The following NDUFAF6 variants were observed in gnomAD, a reference collection of about 807,000 sequenced individuals.
The protein encoded by NDUFAF6 is NADH:ubiquinone oxidoreductase complex assembly factor 6.
In NDUFAF6, 45 loss-of-function variants were observed where a neutral mutation model predicts 40.8. The observed-to-expected ratio is 1.10, with a 90% CI of 0.87 to 1.42. The LOEUF (loss-of-function observed/expected upper bound fraction) is 1.42, where lower values mean the gene tolerates loss of function less well. NDUFAF6 is among the 40% of genes most tolerant of loss of function. NDUFAF6 has a pLI of 0.00. For synonymous variants in NDUFAF6, 185 were observed against 155.9 expected (o/e 1.19, Z -1.39); for missense variants, 435 against 418.5 (o/e 1.04, Z -0.34).
intron 1 of NDUFAF6, among the ~76,000 whole-genome samples, chr8:94,924,754 G>T (rs1453580206): frequency 6.6e-6 from 1 of 150,708 alleles, no homozygotes; most frequent in East Asian, 1.9e-4. Flanking sequence ...GTTTTGTTTT[G>T]TTTTTTGAGA....
intron 3 of NDUFAF6, chr8:95,040,895 G>A (rs1213464489): frequency 1.3e-5 from 2 of 152,380 alleles, no homozygotes; most frequent in East Asian, 1.9e-4. Flanking sequence ...CCTTTAAGGA[G>A]AATGGTAGTA....
At chr8:95,063,260 G>A (rs1457382894), downstream of NDUFAF6, among the ~76,000 whole-genome samples, 5 of 152,184 alleles carry the variant, frequency 3.3e-5, no homozygotes, top group Non-Finnish European at 1.5e-5. Context: ...GAGATAGAAT[G>A]TTTTTATTGT....
intron 1 of NDUFAF6, among the ~76,000 whole-genome samples, chr8:94,937,239 G>C (rs989685584): frequency 6.6e-6 from 1 of 152,074 alleles, no homozygotes; most frequent in Non-Finnish European, 1.5e-5. Context: ...TCAGGAGTTC[G>C]AGACTAGCCT....
upstream of NDUFAF6, among the ~76,000 whole-genome samples, chr8:94,955,065 G>A (rs1822959973): frequency 6.6e-6 from 1 of 152,146 alleles, no homozygotes; most frequent in Non-Finnish European, 1.5e-5. Flanking sequence ...TATCTTCTAA[G>A]TGCCTCAGTT....
chr8:95,082,302 C>A (rs1386226335), intron 2 of NDUFAF6, among the ~76,000 whole-genome samples: 2 of 152,016 alleles, frequency 1.3e-5, no homozygotes, highest in African/African-American at 4.8e-5. Flanking sequence ...CATGACGAGA[C>A]CCTGTCTCAT....
chr8:94,990,720 T>C (rs1387756247), intron 2 of NDUFAF6, among the ~76,000 whole-genome samples: 2 of 152,184 alleles, frequency 1.3e-5, no homozygotes, highest in African/African-American at 4.8e-5. Context: ...AAGAAAGGAT[T>C]TCCTCATGAC....
intron 2 of NDUFAF6, among the ~76,000 whole-genome samples, chr8:95,092,373 G>A (rs186429260): frequency 4.7e-4 from 71 of 151,780 alleles, no homozygotes; most frequent in Non-Finnish European, 9.0e-4. Flanking sequence ...GTAGAGACGA[G>A]GTTTCACCAT....
At chr8:95,113,137 C>T (rs960139462) in intron 4 of NDUFAF6, among the ~76,000 whole-genome samples, 25 of 152,124 alleles carry the variant, frequency 1.6e-4, no homozygotes, top group African/African-American at 6.0e-4. Context: ...AGGTTGTAAG[C>T]AAGTGGCAGA....
chr8:94,992,105 T>C (rs1310817484), intron 2 of NDUFAF6, among the ~76,000 whole-genome samples: 2 of 152,194 alleles, frequency 1.3e-5, no homozygotes, highest in Admixed American at 1.3e-4. Context: ...TACCCAGCAA[T>C]GTATGAGGGT....
chr8:95,013,542 G>T (rs1827313361), intron 2 of NDUFAF6, among the ~76,000 whole-genome samples: 1 of 152,202 alleles, frequency 6.6e-6, no homozygotes, highest in Non-Finnish European at 1.5e-5. Context: ...CTTAAAATCA[G>T]ACAGCCTATT....
At chr8:95,099,338 G>GAAAA (rs10647991), upstream of NDUFAF6, among the ~76,000 whole-genome samples, 1 of 141,050 alleles carries the variant, frequency 7.1e-6, no homozygotes, top group Non-Finnish European at 1.5e-5. Context: ...CTTCCAGCTG[G>GAAAA]AAAAAAAAAA....
At chr8:95,096,021 C>A (rs919535753), upstream of NDUFAF6, among the ~76,000 whole-genome samples, 4 of 152,194 alleles carry the variant, frequency 2.6e-5, no homozygotes, top group African/African-American at 7.2e-5. Context: ...GTAACACCTT[C>A]TAAAGCCTAG....
chr8:94,920,326 T>G (rs1038177264), intron 1 of NDUFAF6, among the ~76,000 whole-genome samples: 1 of 152,246 alleles, frequency 6.6e-6, no homozygotes, highest in African/African-American at 2.4e-5. Flanking sequence ...TTCTGGATGC[T>G]GTGAAGTTCG....
upstream of NDUFAF6, among the ~76,000 whole-genome samples, chr8:95,021,454 T>C (rs1442633363): frequency 2.0e-5 from 3 of 152,220 alleles, no homozygotes; most frequent in Non-Finnish European, 4.4e-5. Flanking sequence ...CTTATTTCCC[T>C]AGAAGAATGT....
intron 2 of NDUFAF6, among the ~76,000 whole-genome samples, chr8:95,012,781 G>A (rs536491385): frequency 3.3e-5 from 5 of 152,146 alleles, no homozygotes; most frequent in African/African-American, 7.2e-5. Flanking sequence ...TTATGATCGC[G>A]CCACTGCATT....
At chr8:95,086,997 G>A (rs982107302) in intron 2 of NDUFAF6, among the ~76,000 whole-genome samples, 1 of 152,032 alleles carries the variant, frequency 6.6e-6, no homozygotes, top group Non-Finnish European at 1.5e-5. Context: ...CTGAGGGAGG[G>A]GCAAGCTGTC....
At chr8:94,971,922 G>C (rs1456587617) in intron 1 of NDUFAF6, among the ~76,000 whole-genome samples, 2 of 149,868 alleles carry the variant, frequency 1.3e-5, no homozygotes, top group African/African-American at 4.9e-5. Context: ...TGGGCAACAA[G>C]AGCGGAAAAA....
chr8:94,952,351 A>G (rs1380346190), intron 2 of NDUFAF6, among the ~76,000 whole-genome samples: 1 of 152,200 alleles, frequency 6.6e-6, no homozygotes, highest in African/African-American at 2.4e-5. Context: ...GCCTCAGAAC[A>G]CAAAGCAACA....
intron 1 of NDUFAF6, among the ~76,000 whole-genome samples, chr8:94,974,399 C>A (rs1044378110): frequency 2.0e-5 from 3 of 152,102 alleles, no homozygotes; most frequent in African/African-American, 7.2e-5. Context: ...AAACTTGCCC[C>A]CAGCAAGACT....
Sources: gnomAD v4.1 joint callset for allele counts (sites outside exome capture counted in the v4.1 genomes callset) on GRCh38, gnomAD v4.1.1 for gene constraint, MANE v1.5 for transcripts, NCBI Gene and HGNC (gene_info 2026-07-23, HGNC 2026-07-21) for gene names.